SCHIP1: variants seen among roughly 807,000 people sequenced by gnomAD.
SCHIP1 encodes the protein schwannomin-interacting protein 1.
SCHIP1 carries 8 observed loss-of-function variants against 29.7 expected under a neutral mutation model. The ratio of observed to expected loss-of-function variants is 0.27; its 90% CI spans 0.16 to 0.49. The LOEUF (loss-of-function observed/expected upper bound fraction) is 0.49. SCHIP1 is among the 20% of genes least tolerant of loss of function. The probability of loss-of-function intolerance (pLI) is 0.99; values close to 1 mark genes in which losing one functional copy is unlikely to be tolerated. For missense variants in SCHIP1, 193 were observed against 294.6 expected (o/e 0.66, Z 2.52); for synonymous variants, 76 against 94.9 (o/e 0.80, Z 1.16).
the SCHIP1 span, among the ~76,000 whole-genome samples, chr3:159,494,064 G>C: frequency 6.6e-6 from 1 of 152,310 alleles, no homozygotes; most frequent in East Asian, 1.9e-4. Flanking sequence ...CAAGAACAAA[G>C]ACACAACATA....
the SCHIP1 span, among the ~76,000 whole-genome samples, chr3:159,604,158 C>T: frequency 6.6e-6 from 1 of 152,158 alleles, no homozygotes; most frequent in African/African-American, 2.4e-5. Flanking sequence ...GTAAATGTAA[C>T]TGTGACTCAT....
chr3:159,451,821 A>T, the SCHIP1 span, among the ~76,000 whole-genome samples: 1 of 152,150 alleles, frequency 6.6e-6, no homozygotes, highest in South Asian at 2.1e-4. Flanking sequence ...GTGCTGTGAG[A>T]GCTGAGGAGA....
chr3:159,750,900 AAC>A, the SCHIP1 span, among the ~76,000 whole-genome samples: 689 of 88,808 alleles, frequency 7.8e-3, 4 homozygotes, highest in Middle Eastern at 0.056. Context: ...TTTCCAAACA[AAC>A]AAAAAAAAAT....
At chr3:159,684,319 C>T in the SCHIP1 span, among the ~76,000 whole-genome samples, 2 of 152,154 alleles carry the variant, frequency 1.3e-5, no homozygotes, top group South Asian at 2.1e-4. Context: ...CTTCAAAAAC[C>T]CTAATAAGGG....
At chr3:159,326,855 A>G in the SCHIP1 span, among the ~76,000 whole-genome samples, 1 of 152,184 alleles carries the variant, frequency 6.6e-6, no homozygotes, top group Non-Finnish European at 1.5e-5. Context: ...GAGTAAAACT[A>G]TAAACCCAAT....
intron 2 of SCHIP1, 90 bp downstream of exon 3, chr3:159,866,371 T>G (rs1714627210): frequency 7.6e-7 from 1 of 1,316,700 alleles, no homozygotes; most frequent in Non-Finnish European, 1.0e-6. Context: ...TTAAATCTTC[T>G]GTAGTTTTTT....
At chr3:159,787,897 G>C in the SCHIP1 span, among the ~76,000 whole-genome samples, 1 of 152,086 alleles carries the variant, frequency 6.6e-6, no homozygotes, top group Non-Finnish European at 1.5e-5. Context: ...AATCCTATTA[G>C]CCAGCACTGA....
At chr3:159,832,535 T>C in the SCHIP1 span, among the ~76,000 whole-genome samples, 1 of 152,126 alleles carries the variant, frequency 6.6e-6, no homozygotes, top group Non-Finnish European at 1.5e-5. Context: ...ACCCTCAACT[T>C]CTTAGCCACA....
At chr3:159,546,035 A>G in the SCHIP1 span, among the ~76,000 whole-genome samples, 1 of 151,920 alleles carries the variant, frequency 6.6e-6, no homozygotes, top group African/African-American at 2.4e-5. Context: ...TGTGAAAGAT[A>G]TTTTTGTTTA....
the SCHIP1 span, among the ~76,000 whole-genome samples, chr3:159,538,505 C>T: frequency 2.0e-5 from 3 of 152,152 alleles, no homozygotes; most frequent in Non-Finnish European, 2.9e-5. Context: ...CTTACCATCT[C>T]CTCTTGTGTG....
chr3:159,580,753 G>T, the SCHIP1 span, among the ~76,000 whole-genome samples: 1 of 152,196 alleles, frequency 6.6e-6, no homozygotes, highest in African/African-American at 2.4e-5. Flanking sequence ...GATACAAGTT[G>T]TAAGTGTCCA....
chr3:159,357,306 G>A, the SCHIP1 span, among the ~76,000 whole-genome samples: 1 of 152,206 alleles, frequency 6.6e-6, no homozygotes, highest in Non-Finnish European at 1.5e-5. Context: ...TGGAGACACA[G>A]AAGAGACTAA....
the SCHIP1 span, among the ~76,000 whole-genome samples, chr3:159,511,938 G>C: frequency 2.0e-5 from 3 of 152,142 alleles, no homozygotes; most frequent in Non-Finnish European, 4.4e-5. Context: ...TAGGGCTAGA[G>C]AGGAATTTCT....
the SCHIP1 span, among the ~76,000 whole-genome samples, chr3:159,643,934 C>T: frequency 6.6e-6 from 1 of 152,120 alleles, no homozygotes; most frequent in African/African-American, 2.4e-5. Flanking sequence ...GCGAGCACCA[C>T]TCATCGTCAA....
At chr3:159,520,216 G>A in the SCHIP1 span, among the ~76,000 whole-genome samples, 1 of 152,040 alleles carries the variant, frequency 6.6e-6, no homozygotes, top group Non-Finnish European at 1.5e-5. Context: ...ACCTGACACT[G>A]CATGGAGAAA....
the SCHIP1 span, among the ~76,000 whole-genome samples, chr3:159,403,072 C>G: frequency 7.2e-5 from 11 of 152,144 alleles, 1 homozygote; most frequent in East Asian, 7.7e-4. Context: ...GACTCTGAAA[C>G]TGACAAAAGC....
chr3:159,546,607 G>A, the SCHIP1 span, among the ~76,000 whole-genome samples: 1 of 152,086 alleles, frequency 6.6e-6, no homozygotes, highest in African/African-American at 2.4e-5. Context: ...GGTGTGTGAT[G>A]TTCCCCTCCC....
chr3:159,661,031 T>C, the SCHIP1 span, among the ~76,000 whole-genome samples: 1 of 152,132 alleles, frequency 6.6e-6, no homozygotes, highest in Non-Finnish European at 1.5e-5. Flanking sequence ...AACCCTTCAC[T>C]TCACTGAGGT....
At chr3:159,330,465 G>A in the SCHIP1 span, among the ~76,000 whole-genome samples, 149 of 152,276 alleles carry the variant, frequency 9.8e-4, 5 homozygotes, top group South Asian at 0.029. Context: ...TTCTTTTGGT[G>A]CAGTTGAGGT....
Sources: allele counts gnomAD v4.1 joint callset (sites outside exome capture counted in the v4.1 genomes callset), GRCh38; gene constraint gnomAD v4.1.1; transcripts MANE v1.5; gene names NCBI Gene and HGNC (gene_info 2026-07-23, HGNC 2026-07-21).